The following MMS22L variants were observed in gnomAD, a reference collection of about 807,000 sequenced individuals.
The protein encoded by MMS22L is MMS22 like, DNA repair protein.
MMS22L carries 74 observed loss-of-function variants against 159.1 expected under a neutral mutation model. The ratio of observed to expected loss-of-function variants is 0.47; its 90% CI spans 0.39 to 0.56. The LOEUF is 0.56. Ranked by LOEUF, MMS22L falls within the 20% of genes least tolerant of loss-of-function variation. MMS22L has a pLI of 0.00. For missense variants in MMS22L, 1,351 were observed against 1,422.1 expected (o/e 0.95, Z 0.80); for synonymous variants, 517 against 506.9 (o/e 1.02, Z -0.27).
At chr6:97,278,821 T>C in intron 4 of MMS22L, 28 bp downstream of exon 4, 3 of 1,600,938 alleles carry the variant, frequency 1.9e-6, no homozygotes, top group Non-Finnish European at 2.6e-6. Context: ...CACCATTCCC[T>C]TTTGCATTAA....
At chr6:97,280,857 T>C (rs1816697318) in intron 3 of MMS22L, among the ~76,000 whole-genome samples, 1 of 152,218 alleles carries the variant, frequency 6.6e-6, no homozygotes, top group Non-Finnish European at 1.5e-5. Context: ...ATTTTAAATG[T>C]TGTCCAAATA....
rs1800805025 is a variant in MMS22L, at chr6:97,144,531, G to T, written c.*2275C>A. On this transcript the variant is annotated 3_prime_UTR_variant, in exon 25 of 25. Transcript: ENST00000683635. The stretch of plus-strand genomic sequence containing the variant: ...GATAAAAGAAAATACAATTGTCACA[G>T]AGAGGACAAAGAACATGAGAAAGGA... The T allele has an allele frequency of 6.6e-6, 1 of 152,238 alleles. No individual in the cohort carries two copies. Among genetic ancestry groups the T allele is most frequent in the African/African-American group, 2.4e-5 (1 of 41,448 alleles). 9.4% of individuals were successfully genotyped at this position (152,238 alleles called of 1,614,324 possible).
At chr6:97,279,995 T>C (rs190060396) in intron 3 of MMS22L, among the ~76,000 whole-genome samples, 3 of 152,296 alleles carry the variant, frequency 2.0e-5, no homozygotes, top group Non-Finnish European at 4.4e-5. Flanking sequence ...GATTTCAAAG[T>C]CTTTAAAAAT....
intron 9 of MMS22L, among the ~76,000 whole-genome samples, 166 bp from the exon 10 acceptor site, chr6:97,254,899 C>G (rs1012170689): frequency 6.6e-6 from 1 of 152,030 alleles, no homozygotes; most frequent in Non-Finnish European, 1.5e-5. Flanking sequence ...ATAAATAGTA[C>G]TTTAGAAGTA....
chr6:97,268,313 T>A (rs184989003), intron 7 of MMS22L, among the ~76,000 whole-genome samples: 278 of 151,980 alleles, frequency 1.8e-3, no homozygotes, highest in Non-Finnish European at 3.3e-3. Flanking sequence ...GCCTCCCAAG[T>A]AGCTGGGACT....
At chr6:97,268,479 C>T (rs1815385835) in intron 7 of MMS22L, among the ~76,000 whole-genome samples, 2 of 152,178 alleles carry the variant, frequency 1.3e-5, no homozygotes, top group Middle Eastern at 6.8e-3. Context: ...TGAGCCACCA[C>T]GTCCAGCCCA....
chr6:97,172,959 T>C (rs1466146823), intron 19 of MMS22L, 104 bp downstream of exon 19: 4 of 1,067,200 alleles, frequency 3.7e-6, no homozygotes, highest in Admixed American at 2.7e-5. Context: ...ACTCTTATGA[T>C]TGTATGGAGG....
intron 11 of MMS22L, among the ~76,000 whole-genome samples, chr6:97,242,741 C>A (rs1185243575): frequency 6.6e-6 from 1 of 152,132 alleles, no homozygotes; most frequent in Non-Finnish European, 1.5e-5. Context: ...AGATTTAGGT[C>A]TCCTTTCAGC....
chr6:97,269,686 T>G, intron 7 of MMS22L, among the ~76,000 whole-genome samples: 1 of 152,126 alleles, frequency 6.6e-6, no homozygotes, highest in Non-Finnish European at 1.5e-5. Context: ...AGTTTCTATA[T>G]ATGTATACTA....
At chr6:97,267,143 TATC>T (rs1469294157) in intron 8 of MMS22L, 3 of 152,178 alleles carry the variant, frequency 2.0e-5, no homozygotes, top group African/African-American at 7.2e-5. Flanking sequence ...AAAGTTATTC[TATC>T]ATATCTGGTT....
chr6:97,232,102 A>G (rs548376707), intron 12 of MMS22L, among the ~76,000 whole-genome samples: 2 of 152,160 alleles, frequency 1.3e-5, no homozygotes, highest in East Asian at 1.9e-4. Context: ...ATTGGTGGCT[A>G]TATCTAGAGG....
intron 17 of MMS22L, 81 bp downstream of exon 17, chr6:97,179,327 A>T: frequency 8.4e-7 from 1 of 1,192,042 alleles, no homozygotes; most frequent in Non-Finnish European, 1.2e-6. Flanking sequence ...ATTTTCTATT[A>T]ATTACATAAC....
In MMS22L at chr6:97,160,968, C is replaced by T. The variant is rs116258408; in HGVS notation, c.3385+1034G>A. Among the ~76,000 whole-genome samples the T allele has an allele frequency of 2.4e-3, 372 of 152,102 alleles. 4 individuals are homozygous for T. Among genetic ancestry groups the T allele is most frequent in the African/African-American group, 8.0e-3 (332 of 41,530 alleles). ...TCTTTCCCTATTGCCACCATACTTT[C>T]GTTTTCTTCATTTATCACACATTCC... On this transcript the variant is annotated intron_variant, in intron 22 of 24. Transcript: ENST00000683635.
chr6:97,199,169 T>C (rs1345024999), intron 14 of MMS22L, among the ~76,000 whole-genome samples: 1 of 152,070 alleles, frequency 6.6e-6, no homozygotes, highest in African/African-American at 2.4e-5. Context: ...GGAGCGTGCA[T>C]TGCTTCAAAA....
intron 14 of MMS22L, among the ~76,000 whole-genome samples, chr6:97,202,463 G>C (rs1562453693): frequency 6.6e-6 from 1 of 152,160 alleles, no homozygotes. Context: ...TTATGGGAGG[G>C]ATCCTATGCA....
intron 11 of MMS22L, among the ~76,000 whole-genome samples, chr6:97,243,060 T>C (rs556455795): frequency 1.4e-4 from 22 of 152,304 alleles, no homozygotes; most frequent in Admixed American, 3.9e-4. Context: ...CCTAAGGTGA[T>C]TATCTTTTTT....
At chr6:97,176,099 AC>A (rs1304868671) in intron 18 of MMS22L, among the ~76,000 whole-genome samples, 1 of 152,218 alleles carries the variant, frequency 6.6e-6, no homozygotes, top group Non-Finnish European at 1.5e-5. Flanking sequence ...AAATAATTTT[AC>A]TGCTTCATTG....
intron 7 of MMS22L, among the ~76,000 whole-genome samples, chr6:97,269,610 A>C (rs180808440): frequency 1.0e-3 from 152 of 152,252 alleles, no homozygotes; most frequent in Admixed American, 1.9e-3. Flanking sequence ...TGATAAATGA[A>C]AGATCACACT....
chr6:97,157,039 T>A (rs960339942), intron 22 of MMS22L, among the ~76,000 whole-genome samples: 56 of 152,134 alleles, frequency 3.7e-4, no homozygotes, highest in African/African-American at 1.3e-3. Context: ...GTCCTTCACA[T>A]CCCGTGTAAG....
Sources: gnomAD v4.1 joint callset for allele counts (sites outside exome capture counted in the v4.1 genomes callset) on GRCh38, gnomAD v4.1.1 for gene constraint, MANE v1.5 for transcripts, NCBI Gene and HGNC (gene_info 2026-07-23, HGNC 2026-07-21) for gene names.